TEAD1: variants seen among roughly 807,000 people sequenced by gnomAD.
The protein encoded by TEAD1 is TEA domain transcription factor 1.
In TEAD1, 9 loss-of-function variants were observed where a neutral mutation model predicts 54.9. That is an observed-to-expected ratio of 0.16 (90% confidence interval 0.10 to 0.29). The LOEUF is 0.29. Among genes scored for constraint, TEAD1 ranks in the 10% least tolerant of loss-of-function variants. TEAD1 has a pLI of 1.00. For missense variants in TEAD1, 387 were observed against 535.9 expected (o/e 0.72, Z 2.74); for synonymous variants, 200 against 187.8 (o/e 1.07, Z -0.53).
At chr11:12,783,086 C>A (rs1030115405) in intron 3 of TEAD1, among the ~76,000 whole-genome samples, 1 of 143,744 alleles carries the variant, frequency 7.0e-6, no homozygotes, top group Non-Finnish European at 1.5e-5. Context: ...AGTCACTAAA[C>A]CAGGTAAGGG....
chr11:12,840,715 G>A (rs961413243), intron 3 of TEAD1, among the ~76,000 whole-genome samples: 2 of 152,130 alleles, frequency 1.3e-5, no homozygotes, highest in Non-Finnish European at 2.9e-5. Context: ...ATTTTTCTCT[G>A]AGGTAGAAAA....
intron 2 of TEAD1, among the ~76,000 whole-genome samples, chr11:12,687,470 C>T (rs527367323): frequency 6.6e-4 from 101 of 152,278 alleles, no homozygotes; most frequent in African/African-American, 2.3e-3. Context: ...AGTGACCTAC[C>T]CAACATCACA....
At chr11:12,814,943 A>G (rs1380133930) in intron 3 of TEAD1, among the ~76,000 whole-genome samples, 1 of 152,084 alleles carries the variant, frequency 6.6e-6, no homozygotes, top group Admixed American at 6.5e-5. Context: ...GGCAAGGCAT[A>G]TGCGTTTTTC....
chr11:12,820,810 T>C (rs972986440), intron 3 of TEAD1, among the ~76,000 whole-genome samples: 1 of 152,150 alleles, frequency 6.6e-6, no homozygotes, highest in African/African-American at 2.4e-5. Flanking sequence ...TGTTGTGCCA[T>C]TGAGGTACAT....
chr11:12,699,706 GTCTAGAAAACC>G (rs1943656656), intron 2 of TEAD1, among the ~76,000 whole-genome samples: 1 of 152,186 alleles, frequency 6.6e-6, no homozygotes, highest in Non-Finnish European at 1.5e-5. Context: ...ATTGCTCAGT[GTCTAGAAAACC>G]TCTGGTACAT....
At chr11:12,828,446 A>G (rs1590190917) in intron 3 of TEAD1, 2 of 152,342 alleles carry the variant, frequency 1.3e-5, no homozygotes, top group East Asian at 3.9e-4. Context: ...GAACCAAGTT[A>G]GAAGGGTGTG....
At chr11:12,781,792 A>G (rs182971352) in intron 3 of TEAD1, among the ~76,000 whole-genome samples, 1 of 151,834 alleles carries the variant, frequency 6.6e-6, no homozygotes, top group Non-Finnish European at 1.5e-5. Context: ...TAGAGTTATT[A>G]TAGGACCCAA....
At chr11:12,703,657 A>C (rs1206533623) in intron 2 of TEAD1, among the ~76,000 whole-genome samples, 4 of 152,102 alleles carry the variant, frequency 2.6e-5, no homozygotes, top group African/African-American at 9.7e-5. Flanking sequence ...TGTGACTTGC[A>C]CATCTTTATA....
chr11:12,707,469 T>G (rs1258270435), intron 2 of TEAD1, among the ~76,000 whole-genome samples: 1 of 152,252 alleles, frequency 6.6e-6, no homozygotes, highest in Non-Finnish European at 1.5e-5. Flanking sequence ...TACCTCACTC[T>G]CAGGCCACCT....
Position 12,940,002 on chromosome 11 carries a change from C to G in TEAD1, c.*2780C>G, listed in dbSNP as rs1288710974. On this transcript the variant is annotated 3_prime_UTR_variant, in exon 13 of 13. Transcript: ENST00000527636. Reference sequence around the variant, plus strand: ...CCCCGTCTTGCTTCTCTTCCAGGTGCTCTATCCCCTCGAGACCCTCTGGTG... The same window carrying G: ...CCCCGTCTTGCTTCTCTTCCAGGTGGTCTATCCCCTCGAGACCCTCTGGTG... 1 of 152,264 alleles carries G rather than the reference C, an allele frequency of 6.6e-6. No individual in the cohort carries two copies. Among genetic ancestry groups the G allele is most frequent in the African/African-American group, 2.4e-5 (1 of 41,440 alleles). The allele number at this position is 152,264 out of a possible 1,614,324, so 9.4% of individuals were successfully genotyped here. A position where few individuals can be genotyped will look rare whatever the true frequency, so the allele number is the denominator to read the frequency against.
At chr11:12,804,281 T>G (rs1946122733) in intron 3 of TEAD1, among the ~76,000 whole-genome samples, 1 of 152,218 alleles carries the variant, frequency 6.6e-6, no homozygotes. Context: ...TGAACTCCCC[T>G]TAATATGGGC....
At chr11:12,903,242 G>A (rs1487877847) in intron 10 of TEAD1, among the ~76,000 whole-genome samples, 1 of 152,110 alleles carries the variant, frequency 6.6e-6, no homozygotes, top group Admixed American at 6.5e-5. Flanking sequence ...CTTGACATCA[G>A]ATCTGTGTGA....
At chr11:12,775,259 A>G (rs1203642853) in intron 3 of TEAD1, among the ~76,000 whole-genome samples, 1 of 152,082 alleles carries the variant, frequency 6.6e-6, no homozygotes, top group Non-Finnish European at 1.5e-5. Flanking sequence ...ACTTTTAGAG[A>G]TCAGAGCCAC....
Position 12,771,529 on chromosome 11 carries a change from T to C in TEAD1, c.202+7095T>C, listed in dbSNP as rs564833292. On this transcript the variant is annotated intron_variant, in intron 3 of 12. Coordinates refer to ENST00000527636, the MANE Select transcript of TEAD1 (RefSeq NM_021961.6). Reference sequence around the variant, plus strand: ...GATTTCAGGTTCCACTTCTGGCTCATTGGGAGGATGGTGGTACTGTTAAGC... The same window carrying C: ...GATTTCAGGTTCCACTTCTGGCTCACTGGGAGGATGGTGGTACTGTTAAGC... 2.5e-4 allele frequency among the ~76,000 whole-genome samples: 38 copies of C among 152,182 alleles called. No homozygotes were observed. In the South Asian group the frequency reaches 6.4e-3, roughly 26 times the overall value.
At chr11:12,777,287 T>C (rs1280450009) in intron 3 of TEAD1, among the ~76,000 whole-genome samples, 1 of 152,166 alleles carries the variant, frequency 6.6e-6, no homozygotes, top group Non-Finnish European at 1.5e-5. Context: ...GTTTTACAGC[T>C]TCTGGGGTAA....
At chr11:12,831,808 A>G (rs1164701953) in intron 3 of TEAD1, among the ~76,000 whole-genome samples, 1 of 151,918 alleles carries the variant, frequency 6.6e-6, no homozygotes, top group Non-Finnish European at 1.5e-5. Context: ...GTAGAGTCTC[A>G]GTTTGCCTAT....
intron 3 of TEAD1, among the ~76,000 whole-genome samples, chr11:12,847,138 A>G (rs918101744): frequency 2.0e-5 from 3 of 152,142 alleles, no homozygotes; most frequent in African/African-American, 2.4e-5. Context: ...GAAGACAGTC[A>G]CTGCGTCCCA....
At position 12,869,000 on chromosome 11, in the gene TEAD1, A is replaced by G. The variant is rs558175873; in HGVS notation, c.330+4100A>G. ...GAGAAGTGTCATTAGAACTAAACAT[A>G]GTTGAAGGCAGAGAATTTCCATAAA... On this transcript the variant is annotated intron_variant, in intron 5 of 12. Coordinates refer to ENST00000527636, the MANE Select transcript of TEAD1 (RefSeq NM_021961.6). Among the ~76,000 whole-genome samples, 8 of 152,336 alleles carry G rather than the reference A, an allele frequency of 5.3e-5. No individual in the cohort carries two copies. In the East Asian group the frequency reaches 1.5e-3, roughly 29 times the overall value.
chr11:12,856,923 C>T (rs569795885), intron 3 of TEAD1, among the ~76,000 whole-genome samples: 1 of 152,316 alleles, frequency 6.6e-6, no homozygotes, highest in East Asian at 1.9e-4. Flanking sequence ...GGCTCTTACA[C>T]TGTTAAAGCT....
Sources: allele counts gnomAD v4.1 joint callset (sites outside exome capture counted in the v4.1 genomes callset), GRCh38; gene constraint gnomAD v4.1.1; transcripts MANE v1.5; gene names NCBI Gene and HGNC (gene_info 2026-07-23, HGNC 2026-07-21).